The following ESRRB variants were observed in gnomAD, a reference collection of about 807,000 sequenced individuals.
The protein encoded by ESRRB is estrogen related receptor beta, also known as steroid hormone receptor ERR2.
In ESRRB, 16 loss-of-function variants were observed where a neutral mutation model predicts 46.0. The observed-to-expected ratio is 0.35, with a 90% CI of 0.24 to 0.53. ESRRB has a LOEUF of 0.53. ESRRB is among the 20% of genes least tolerant of loss of function. The probability of loss-of-function intolerance (pLI) is 0.93; values close to 1 mark genes in which losing one functional copy is unlikely to be tolerated. For synonymous variants in ESRRB, 246 were observed against 259.6 expected (o/e 0.95, Z 0.50); for missense variants, 488 against 607.4 (o/e 0.80, Z 2.07).
In ESRRB at chr14:76,332,925, T is replaced by G. The variant is rs1440240097; in HGVS notation, c.2+22009T>G. On this transcript the variant is annotated intron_variant, in intron 1 of 6. Transcript: ENST00000512784. Reference sequence around the variant, plus strand: ...TATATACTTATATATTATATATATTTATATATTATATACTTATATATTATA... The same window carrying G: ...TATATACTTATATATTATATATATTGATATATTATATACTTATATATTATA... Among the ~76,000 whole-genome samples the G allele has an allele frequency of 1.6e-3, 33 of 20,282 alleles. 1 individual carries two copies. The highest frequency in any genetic ancestry group is 6.1e-3 in the African/African-American group (33 of 5,394). 13.3% of individuals were successfully genotyped at this position (20,282 alleles called of 152,430 possible).
intron 1 of ESRRB, among the ~76,000 whole-genome samples, chr14:76,417,735 G>A (rs1886765825): frequency 6.6e-6 from 1 of 152,080 alleles, no homozygotes; most frequent in Non-Finnish European, 1.5e-5. Context: ...AAGAGCTGAA[G>A]GCATGGCAGG....
At position 76,376,740 on chromosome 14, in the gene ESRRB, C is replaced by T. The variant is rs1222847489; in HGVS notation, c.50+289C>T. On this transcript the variant is annotated intron_variant, in intron 1 of 6. Coordinates refer to ENST00000644823, the MANE Select transcript of ESRRB (RefSeq NM_001379180.1). The surrounding 1 kb of genome is among the most constrained non-coding windows in gnomAD (Gnocchi z 4.1). ...TTCTCTCTCCTCTCTGATCTTGCTC[C>T]GGGGTGAGAAAATATTTGAGTTTTT... Among the ~76,000 whole-genome samples, 11 of 152,128 alleles carry T rather than the reference C, an allele frequency of 7.2e-5. No individual in the cohort carries two copies. The highest frequency in any genetic ancestry group is 1.3e-4 in the Non-Finnish European group (9 of 68,014).
intron 5 of ESRRB, among the ~76,000 whole-genome samples, chr14:76,485,774 G>C (rs1595166342): frequency 6.6e-6 from 1 of 152,230 alleles, no homozygotes; most frequent in Middle Eastern, 3.4e-3. Context: ...AGAAAGAGGG[G>C]GACTGGCCAC....
intron 3 of ESRRB, among the ~76,000 whole-genome samples, chr14:76,473,158 G>C (rs770210039): frequency 6.6e-6 from 1 of 152,198 alleles, no homozygotes; most frequent in Non-Finnish European, 1.5e-5. Context: ...GATCCTGAAC[G>C]AGTCGCCTGA....
At chr14:76,407,089 T>C (rs1451605069) in intron 1 of ESRRB, among the ~76,000 whole-genome samples, 8 of 152,210 alleles carry the variant, frequency 5.3e-5, no homozygotes, top group Non-Finnish European at 1.0e-4. Context: ...GAAAATGCAG[T>C]CTTCAAAGGA....
chr14:76,478,011 G>T (rs1478282543), intron 3 of ESRRB, among the ~76,000 whole-genome samples: 2 of 152,176 alleles, frequency 1.3e-5, no homozygotes, highest in Non-Finnish European at 2.9e-5. Flanking sequence ...TACATACAGA[G>T]AGTCCTTTAC....
chr14:76,450,932 T>C (rs745011), intron 2 of ESRRB, among the ~76,000 whole-genome samples: 65,753 of 152,110 alleles, frequency 0.43, 17,460 homozygotes, highest in African/African-American at 0.76. Flanking sequence ...TAGCTATCTG[T>C]AGGGCACTGG....
intron 1 of ESRRB, among the ~76,000 whole-genome samples, chr14:76,395,256 C>T (rs1259239161): frequency 6.6e-6 from 1 of 152,218 alleles, no homozygotes; most frequent in Non-Finnish European, 1.5e-5. Flanking sequence ...TGCTGTCAGG[C>T]AGCATCCCAG....
upstream of ESRRB, among the ~76,000 whole-genome samples, chr14:76,370,599 G>A (rs1401501648): frequency 1.3e-5 from 2 of 152,100 alleles, no homozygotes; most frequent in East Asian, 3.8e-4. Flanking sequence ...TACTATCGAG[G>A]TATGGTATTC....
chr14:76,310,937 C>T (rs773527474), intron 1 of ESRRB: 15 of 453,876 alleles, frequency 3.3e-5, no homozygotes, highest in Middle Eastern at 5.7e-4. Flanking sequence ...CAACTTCTCC[C>T]TTTCTCCTCC....
intron 1 of ESRRB, among the ~76,000 whole-genome samples, chr14:76,377,263 G>A (rs554428849): frequency 1.3e-5 from 2 of 152,374 alleles, no homozygotes; most frequent in East Asian, 3.9e-4. Flanking sequence ...AGCGCGCCAA[G>A]AGCGCAGAGT....
upstream of ESRRB, among the ~76,000 whole-genome samples, chr14:76,369,424 C>A (rs1428138285): frequency 6.6e-6 from 1 of 151,672 alleles, no homozygotes; most frequent in Non-Finnish European, 1.5e-5. Flanking sequence ...CAGGCACACA[C>A]CACAGTGTGT....
At chr14:76,490,201 G>A (rs1404330677) in intron 5 of ESRRB, among the ~76,000 whole-genome samples, 1 of 152,218 alleles carries the variant, frequency 6.6e-6, no homozygotes, top group East Asian at 1.9e-4. Flanking sequence ...AATCCAGCAT[G>A]TCCGTGTTAG....
At chr14:76,437,295 G>T (rs997665156) in intron 1 of ESRRB, among the ~76,000 whole-genome samples, 6 of 152,164 alleles carry the variant, frequency 3.9e-5, no homozygotes, top group African/African-American at 1.4e-4. Context: ...GCCTCCCAAA[G>T]TTCTGGGATT....
At chr14:76,350,475 G>A (rs1884301051) in intron 1 of ESRRB, among the ~76,000 whole-genome samples, 1 of 152,208 alleles carries the variant, frequency 6.6e-6, no homozygotes, top group Non-Finnish European at 1.5e-5. Context: ...GGCTGCCCAG[G>A]AGACTCAAAG....
chr14:76,392,941 A>G (rs1249267166), intron 1 of ESRRB, among the ~76,000 whole-genome samples: 1 of 152,194 alleles, frequency 6.6e-6, no homozygotes, highest in African/African-American at 2.4e-5. Context: ...GGTGGTCCAC[A>G]TGTGTGAGCT....
chr14:76,398,072 G>A (rs994346429), intron 1 of ESRRB, among the ~76,000 whole-genome samples: 9 of 152,196 alleles, frequency 5.9e-5, no homozygotes, highest in South Asian at 2.1e-4. Flanking sequence ...ATGGGGCAGT[G>A]CCTCCTACGC....
At chr14:76,365,022 A>G (rs1884504500) in intron 1 of ESRRB, among the ~76,000 whole-genome samples, 1 of 152,258 alleles carries the variant, frequency 6.6e-6, no homozygotes, top group Non-Finnish European at 1.5e-5. Flanking sequence ...ATTTAAATTC[A>G]TTGAAATTTG....
At chr14:76,452,208 G>A (rs1434735020) in intron 2 of ESRRB, among the ~76,000 whole-genome samples, 1 of 152,032 alleles carries the variant, frequency 6.6e-6, no homozygotes, top group Admixed American at 6.6e-5. Context: ...CCGAAGTGCT[G>A]GGATTACAGG....
Sources: allele counts gnomAD v4.1 joint callset (sites outside exome capture counted in the v4.1 genomes callset), GRCh38; gene constraint gnomAD v4.1.1; non-coding constraint Gnocchi (gnomAD v3.1); transcripts MANE v1.5; gene names NCBI Gene and HGNC (gene_info 2026-07-23, HGNC 2026-07-21).